Variants in CACNA2D1 observed in about 807,000 individuals in gnomAD.
The protein encoded by CACNA2D1 is calcium voltage-gated channel auxiliary subunit alpha2delta 1.
A neutral mutation model predicts 171.5 loss-of-function variants in CACNA2D1; 53 were observed. The ratio of observed to expected loss-of-function variants is 0.31; its 90% confidence interval spans 0.25 to 0.39. The LOEUF is 0.39. Among genes scored for constraint, CACNA2D1 ranks in the 10% least tolerant of loss-of-function variants. CACNA2D1 has a pLI of 1.00. For synonymous variants in CACNA2D1, 442 were observed against 443.1 expected, an observed-to-expected ratio of 1.00 and a Z score of 0.03; for missense variants, 903 against 1,299.8, an observed-to-expected ratio of 0.69 and a Z score of 4.69.
At chr7:82,330,803 A>T (rs932280507) in intron 3 of CACNA2D1, among the ~76,000 whole-genome samples, 1 of 152,132 alleles carries the variant, frequency 6.6e-6, no homozygotes, top group Non-Finnish European at 1.5e-5. Flanking sequence ...ATAATTATAC[A>T]CTTCTTTAGG....
chr7:82,384,611 GAA>G (rs1824116396), intron 1 of CACNA2D1, among the ~76,000 whole-genome samples: 1 of 151,680 alleles, frequency 6.6e-6, no homozygotes, highest in Non-Finnish European at 1.5e-5. Flanking sequence ...TGAAGAAGAA[GAA>G]GAGGGAGGAA....
At chr7:82,191,577 C>T (rs968567470) in intron 3 of CACNA2D1, among the ~76,000 whole-genome samples, 1 of 151,772 alleles carries the variant, frequency 6.6e-6, no homozygotes, top group African/African-American at 2.4e-5. Context: ...TTTCCTTCTA[C>T]TCATTCCTAA....
chr7:82,341,055 T>A (rs2129444939), intron 2 of CACNA2D1, among the ~76,000 whole-genome samples: 1 of 152,290 alleles, frequency 6.6e-6, no homozygotes, highest in South Asian at 2.1e-4. Flanking sequence ...CGTGGGATGG[T>A]TTGTCTGTGG....
rs749965891 is a variant in CACNA2D1 at position 82,136,637 on chromosome 7, C to A, written c.394G>T (p.Asp132Tyr). Residue 132 changes from aspartate (D) to tyrosine (Y), a missense_variant and splice_region_variant, in exon 5 of 39, where the codon GAT (aspartate) becomes TAT (tyrosine). Asp to Tyr is a radical substitution (Grantham distance 160, BLOSUM62 -3). Transcript: ENST00000356860. ...VVYYNAKDDL[D>Y]PEKNDSEPGS... ...AATGGAAAACATTTAATACTCACAT[C>A]GAGATCATCCTTTGCATTGTAGTAG... is the stretch of plus-strand genomic sequence containing the variant. 5.7e-6 allele frequency: 9 copies of A among 1,588,146 alleles called. No individual in the cohort carries two copies. The Admixed American group carries it at 1.5e-4, about 27-fold the overall frequency.
intron 3 of CACNA2D1, among the ~76,000 whole-genome samples, chr7:82,194,922 A>C (rs1405350323): frequency 6.6e-6 from 1 of 152,060 alleles, no homozygotes; most frequent in Non-Finnish European, 1.5e-5. Context: ...ATAGAGACAG[A>C]GACTGAGATT....
At chr7:82,177,710 C>G (rs1280443044) in intron 3 of CACNA2D1, among the ~76,000 whole-genome samples, 6 of 152,038 alleles carry the variant, frequency 3.9e-5, no homozygotes, top group African/African-American at 1.2e-4. Flanking sequence ...TTCACTCCAT[C>G]AAGAGACCAT....
At chr7:82,419,779 C>T (rs1417773021) in intron 1 of CACNA2D1, among the ~76,000 whole-genome samples, 10 of 152,146 alleles carry the variant, frequency 6.6e-5, no homozygotes, top group African/African-American at 1.7e-4. Flanking sequence ...CCACTGGCCA[C>T]GGAAACATGT....
chr7:82,078,769 G>T (rs1373349710), intron 7 of CACNA2D1, among the ~76,000 whole-genome samples: 2 of 152,120 alleles, frequency 1.3e-5, no homozygotes, highest in Non-Finnish European at 2.9e-5. Flanking sequence ...GAAGAAACAG[G>T]TACAGAAATA....
At chr7:82,303,541 T>C (rs893364663) in intron 3 of CACNA2D1, among the ~76,000 whole-genome samples, 7 of 149,382 alleles carry the variant, frequency 4.7e-5, no homozygotes, top group African/African-American at 1.7e-4. Context: ...CAAAATATAT[T>C]ACAAGGCAAT....
At position 81,971,884 on chromosome 7, in the gene CACNA2D1, T is replaced by C. The variant is rs751143429; in HGVS notation, c.2054-20A>G. 73 of 1,362,380 alleles carry C rather than the reference T, an allele frequency of 5.4e-5. No individual in the cohort carries two copies. The highest frequency in any genetic ancestry group is 7.5e-5 in the Non-Finnish European group (71 of 952,214). The allele number at this position is 1,362,380 out of a possible 1,614,324, so 84.4% of individuals were successfully genotyped here. A position where few individuals can be genotyped will look rare whatever the true frequency, so the allele number is the denominator to read the frequency against. On this transcript the variant is annotated intron_variant, in intron 25 of 38. Coordinates refer to ENST00000356860, the MANE Select transcript of CACNA2D1 (RefSeq NM_000722.4). ...CGTTACCTAACACAGAAAAAGATCA[T>C]CAGTTACACTCACATTTCTAAAATT...
intron 6 of CACNA2D1, among the ~76,000 whole-genome samples, chr7:82,088,887 GATC>G (rs1490658213): frequency 6.6e-6 from 1 of 151,890 alleles, no homozygotes; most frequent in Non-Finnish European, 1.5e-5. Flanking sequence ...TTCCACCTCA[GATC>G]ATCAGGCATT....
chr7:82,185,139 T>C (rs574559188), intron 3 of CACNA2D1, among the ~76,000 whole-genome samples: 4 of 152,242 alleles, frequency 2.6e-5, no homozygotes, highest in African/African-American at 9.6e-5. Flanking sequence ...TTCTTCTCAT[T>C]CTACATACAG....
At chr7:81,971,935 C>T (rs1795324480) in intron 25 of CACNA2D1, 71 bp from the exon 26 acceptor site, 1 of 995,132 alleles carries the variant, frequency 1.0e-6, no homozygotes, top group Non-Finnish European at 1.6e-6. Flanking sequence ...AATATATTTT[C>T]TATTTCCAAA....
intron 1 of CACNA2D1, among the ~76,000 whole-genome samples, chr7:82,354,236 T>G (rs2129446451): frequency 6.6e-6 from 1 of 152,316 alleles, no homozygotes; most frequent in South Asian, 2.1e-4. Flanking sequence ...CACATAAAAT[T>G]TAATTCACAT....
At chr7:82,128,812 A>T (rs993794400) in intron 5 of CACNA2D1, among the ~76,000 whole-genome samples, 4 of 150,302 alleles carry the variant, frequency 2.7e-5, no homozygotes, top group African/African-American at 9.8e-5. Flanking sequence ...CATATCCCAT[A>T]CTCCCCTCCC....
chr7:82,312,167 C>G (rs1311813366), intron 3 of CACNA2D1, among the ~76,000 whole-genome samples: 2 of 152,150 alleles, frequency 1.3e-5, no homozygotes, highest in African/African-American at 4.8e-5. Context: ...GTTAATAAGA[C>G]TAAAACGTAT....
chr7:82,294,143 G>A (rs1465324906), intron 3 of CACNA2D1, among the ~76,000 whole-genome samples: 4 of 152,050 alleles, frequency 2.6e-5, no homozygotes, highest in Non-Finnish European at 5.9e-5. Context: ...CAAAACTCTA[G>A]TAAACTGAAC....
At position 81,959,275 on chromosome 7, in the gene CACNA2D1, C is replaced by T; in HGVS notation, c.3159G>A (p.Leu1053=). The change falls in exon 38 of 39, where the codon TTG becomes TTA. Residue 1053 remains leucine (L), a splice_region_variant and synonymous_variant. Transcript: ENST00000356860. ...GPDVCFDNNV[L]EDYTDCGGVS... is the part of the protein sequence containing the mutation. The stretch of plus-strand genomic sequence containing the variant: ...TAATCCAGTAGAAGTGTGATCTTAC[C>T]AAGACATTGTTATCAAAGCAGACAT... The T allele has an allele frequency of 6.3e-7, 1 of 1,592,112 alleles. No individual in the cohort carries two copies. Among genetic ancestry groups the T allele is most frequent in the African/African-American group, 1.3e-5 (1 of 74,670 alleles).
intron 3 of CACNA2D1, among the ~76,000 whole-genome samples, chr7:82,332,104 A>G (rs990046193): frequency 7.9e-5 from 12 of 152,116 alleles, no homozygotes; most frequent in Admixed American, 6.6e-5. Context: ...TCTTTCGCGC[A>G]GGCTGGAGTG....
Sources: allele counts gnomAD v4.1 joint callset (sites outside exome capture counted in the v4.1 genomes callset), GRCh38; gene constraint gnomAD v4.1.1; transcripts MANE v1.5; gene names NCBI Gene and HGNC (gene_info 2026-07-23, HGNC 2026-07-21).